RTL4: variants seen among roughly 807,000 people sequenced by gnomAD.
RTL4 encodes the protein retrotransposon Gag-like protein 4.
RTL4 carries 4 observed loss-of-function variants against 5.3 expected under a neutral mutation model. The observed-to-expected ratio is 0.75, with a 90% confidence interval of 0.37 to 1.72. The LOEUF (loss-of-function observed/expected upper bound fraction) is 1.72. Among genes scored for constraint, RTL4 ranks in the 40% most tolerant of loss-of-function variants. The pLI, the probability that RTL4 is intolerant of heterozygous loss-of-function variation, is 0.04. For synonymous variants in RTL4, 98 were observed against 87.3 expected, an observed-to-expected ratio of 1.12 and a Z score of -0.68; for missense variants, 260 against 227.1, an observed-to-expected ratio of 1.14 and a Z score of -0.93.
chrX:112,144,026 TAAAGA>T, the RTL4 span, among the ~76,000 whole-genome samples: 5,995 of 112,266 alleles, frequency 0.053, 343 homozygotes, highest in African/African-American at 0.17. Flanking sequence ...TTATTTTTTA[TAAAGA>T]AAAGAATCTT....
chrX:112,224,619 G>A, the RTL4 span, among the ~76,000 whole-genome samples: 1,769 of 111,230 alleles, frequency 0.016, 34 homozygotes, highest in African/African-American at 0.055. Context: ...GATTATAGGC[G>A]TGAGGCACCA....
the RTL4 span, among the ~76,000 whole-genome samples, chrX:112,229,691 A>C: frequency 8.9e-6 from 1 of 112,064 alleles, no homozygotes; most frequent in Non-Finnish European, 1.9e-5. Flanking sequence ...AATTGATGAC[A>C]TACAGATGGG....
the RTL4 span, among the ~76,000 whole-genome samples, chrX:112,129,191 A>G: frequency 0.075 from 8,373 of 111,628 alleles, 566 homozygotes; most frequent in African/African-American, 0.21. Context: ...TTAATGGAAA[A>G]TAAGTGTTGG....
the RTL4 span, among the ~76,000 whole-genome samples, chrX:112,285,076 G>A: frequency 8.9e-6 from 1 of 111,958 alleles, no homozygotes; most frequent in Non-Finnish European, 1.9e-5. Flanking sequence ...AAACATACCA[G>A]GTGATCATAA....
chrX:112,127,934 A>T, the RTL4 span, among the ~76,000 whole-genome samples: 1 of 112,200 alleles, frequency 8.9e-6, no homozygotes, highest in Non-Finnish European at 1.9e-5. Context: ...TACCTAAATA[A>T]ATGGAAAGAT....
chrX:112,325,158 A>G, the RTL4 span, among the ~76,000 whole-genome samples: 1 of 111,870 alleles, frequency 8.9e-6, no homozygotes, highest in Non-Finnish European at 1.9e-5. Context: ...GAGGACACAA[A>G]CAAATGGAAG....
chrX:112,228,488 CAAATT>C, the RTL4 span, among the ~76,000 whole-genome samples: 1 of 112,457 alleles, frequency 8.9e-6, no homozygotes, highest in Non-Finnish European at 1.9e-5. Flanking sequence ...TTACCACAGT[CAAATT>C]AAATTAACAC....
At chrX:112,332,244 C>T in the RTL4 span, among the ~76,000 whole-genome samples, 1 of 110,495 alleles carries the variant, frequency 9.1e-6, no homozygotes, top group African/African-American at 3.3e-5. Context: ...GGACTGTAAA[C>T]TGGTTCAACC....
At chrX:112,437,793 GTGGTGGTGA>G in the RTL4 span, among the ~76,000 whole-genome samples, 3 of 85,926 alleles carry the variant, frequency 3.5e-5, no homozygotes, top group Admixed American at 3.2e-4. Flanking sequence ...CATGGTAGTG[GTGGTGGTGA>G]TGGTGGTGGT....
the RTL4 span, among the ~76,000 whole-genome samples, chrX:112,274,756 C>A: frequency 3.6e-5 from 4 of 111,466 alleles, no homozygotes; most frequent in East Asian, 1.1e-3. Context: ...ACAGGTTAAT[C>A]CTTATTTTTC....
At chrX:112,390,289 C>G in the RTL4 span, among the ~76,000 whole-genome samples, 2 of 98,140 alleles carry the variant, frequency 2.0e-5, no homozygotes, top group African/African-American at 7.5e-5. Flanking sequence ...CCCATCTGTA[C>G]TAAAAATAAA....
At chrX:112,398,396 C>CTTT in the RTL4 span, among the ~76,000 whole-genome samples, 328 of 72,105 alleles carry the variant, frequency 4.5e-3, 8 homozygotes, top group African/African-American at 0.016. Flanking sequence ...TTCTTTCTTT[C>CTTT]TTTTTTTTTT....
At chrX:112,361,611 A>G in the RTL4 span, among the ~76,000 whole-genome samples, 2 of 110,689 alleles carry the variant, frequency 1.8e-5, no homozygotes, top group East Asian at 2.9e-4. Context: ...CCCCTCTGCA[A>G]TGCAATCTCT....
chrX:112,219,633 G>C, the RTL4 span, among the ~76,000 whole-genome samples: 1 of 112,123 alleles, frequency 8.9e-6, no homozygotes, highest in Non-Finnish European at 1.9e-5. Flanking sequence ...TTATCAAGGA[G>C]ACTATTTGAA....
the RTL4 span, among the ~76,000 whole-genome samples, chrX:112,165,047 C>T: frequency 4.5e-5 from 5 of 111,601 alleles, no homozygotes; most frequent in Non-Finnish European, 9.4e-5. Flanking sequence ...TCCCATCCCC[C>T]ACACCAGGGG....
chrX:112,373,716 A>G, the RTL4 span, among the ~76,000 whole-genome samples: 62 of 109,432 alleles, frequency 5.7e-4, no homozygotes, highest in East Asian at 7.5e-3. Context: ...ATATACCAGA[A>G]CAATCAAGGT....
the RTL4 span, among the ~76,000 whole-genome samples, chrX:112,345,856 C>G: frequency 9.0e-6 from 1 of 111,399 alleles, no homozygotes; most frequent in Non-Finnish European, 1.9e-5. Context: ...TTTCAAGATT[C>G]CCTGAACCAG....
the RTL4 span, among the ~76,000 whole-genome samples, chrX:112,397,143 T>C: frequency 1.8e-5 from 2 of 112,008 alleles, no homozygotes; most frequent in African/African-American, 6.5e-5. Context: ...CAGTCATTTC[T>C]TGGTATCTAT....
chrX:112,195,328 T>C, the RTL4 span, among the ~76,000 whole-genome samples: 1 of 112,130 alleles, frequency 8.9e-6, no homozygotes, highest in Admixed American at 9.4e-5. Flanking sequence ...GGTCTATGAA[T>C]TGGGACTAGG....
Sources: allele counts gnomAD v4.1 joint callset (sites outside exome capture counted in the v4.1 genomes callset), GRCh38; gene constraint gnomAD v4.1.1; transcripts MANE v1.5; gene names NCBI Gene and HGNC (gene_info 2026-07-23, HGNC 2026-07-21).